PCDHGA6: variants seen among roughly 807,000 people sequenced by gnomAD.
The protein encoded by PCDHGA6 is protocadherin gamma subfamily A, 6, also known as protocadherin gamma-A6.
Under a neutral mutation model 60.6 loss-of-function variants are expected in PCDHGA6, and 41 were observed. The ratio of observed to expected loss-of-function variants is 0.68; its 90% CI spans 0.53 to 0.88. PCDHGA6 has a LOEUF of 0.88. Ranked by LOEUF, PCDHGA6 falls within the 40% of genes least tolerant of loss-of-function variation. PCDHGA6 has a pLI of 0.00. For synonymous variants in PCDHGA6, 594 were observed against 524.4 expected (o/e 1.13, Z -1.81); for missense variants, 1,312 against 1,203.0 (o/e 1.09, Z -1.34).
intron 1 of PCDHGA6, among the ~76,000 whole-genome samples, chr5:141,452,082 T>A (rs924362905): frequency 3.3e-5 from 5 of 152,240 alleles, no homozygotes; most frequent in Non-Finnish European, 7.3e-5. Context: ...GTTGGCATTA[T>A]ACAGTAAGAA....
chr5:141,393,899 C>T, intron 1 of PCDHGA6: 1 of 1,613,932 alleles, frequency 6.2e-7, no homozygotes, highest in Non-Finnish European at 8.5e-7. Context: ...ATTCTCTTCC[C>T]GGGACAGTAA....
intron 1 of PCDHGA6, chr5:141,412,940 T>G: frequency 2.2e-6 from 1 of 463,218 alleles, no homozygotes; most frequent in Non-Finnish European, 3.8e-6. Context: ...CTTAGGACTC[T>G]GAGCGCCGCT....
intron 1 of PCDHGA6, chr5:141,410,110 C>A (rs1361292941): frequency 6.2e-7 from 1 of 1,612,540 alleles, no homozygotes; most frequent in Admixed American, 1.7e-5. Flanking sequence ...GCGACAGGGA[C>A]GCAGCCCGCC....
intron 1 of PCDHGA6, among the ~76,000 whole-genome samples, chr5:141,380,592 C>A (rs1776595781): frequency 6.6e-6 from 1 of 152,050 alleles, no homozygotes; most frequent in South Asian, 2.1e-4. Flanking sequence ...TAGTAAAGAT[C>A]TTTAATATTT....
At chr5:141,412,876 A>T (rs1206092699) in intron 1 of PCDHGA6, 2 of 281,096 alleles carry the variant, frequency 7.1e-6, no homozygotes, top group Admixed American at 4.9e-5. Flanking sequence ...AAATATAATA[A>T]TCCAACAGAA....
chr5:141,442,457 T>G (rs1209684998), intron 1 of PCDHGA6: 1 of 152,268 alleles, frequency 6.6e-6, no homozygotes, highest in African/African-American at 2.4e-5. Context: ...AATAGCAGTT[T>G]CACTGCAGAA....
chr5:141,500,618 C>T (rs554274946), intron 2 of PCDHGA6, among the ~76,000 whole-genome samples: 1 of 152,262 alleles, frequency 6.6e-6, no homozygotes, highest in South Asian at 2.1e-4. Flanking sequence ...CCCAGTCATA[C>T]GGTACATTTC....
At chr5:141,418,769 C>A (rs1488222030) in intron 1 of PCDHGA6, 2 of 1,613,828 alleles carry the variant, frequency 1.2e-6, no homozygotes, top group East Asian at 4.5e-5. Flanking sequence ...CATTCTAACT[C>A]AGCAGCCTTT....
intron 1 of PCDHGA6, among the ~76,000 whole-genome samples, chr5:141,397,737 C>T (rs2093564219): frequency 6.6e-6 from 1 of 152,164 alleles, no homozygotes. Flanking sequence ...GAGAAAGATA[C>T]CTTAAAGAAG....
At chr5:141,447,829 T>A (rs2098552664) in intron 1 of PCDHGA6, among the ~76,000 whole-genome samples, 1 of 152,214 alleles carries the variant, frequency 6.6e-6, no homozygotes. Context: ...CTCACGCCTG[T>A]AATCCCAGTG....
At chr5:141,421,603 G>T (rs1207844782) in intron 1 of PCDHGA6, 4 of 1,613,758 alleles carry the variant, frequency 2.5e-6, no homozygotes, top group Non-Finnish European at 3.4e-6. Context: ...GGAAATAATA[G>T]ATATTAATGA....
chr5:141,404,073 G>A lies in PCDHGA6; in HGVS notation c.2424+27566G>A, dbSNP rs746951310. On this transcript the variant is annotated intron_variant, in intron 1 of 3. Transcript: ENST00000517434. The stretch of plus-strand genomic sequence containing the variant: ...ATTCTTCTTTTCAATGCTCATGACC[G>A]AGACTCCGGGAAGAATGGTCAAGTT... The A allele has an allele frequency of 1.5e-5, 24 of 1,613,602 alleles. No individual in the cohort carries two copies. Among genetic ancestry groups the A allele is most frequent in the Non-Finnish European group, 1.9e-5 (22 of 1,179,684 alleles).
rs776426026 is a variant in PCDHGA6, at chr5:141,375,703, G to A, written c.1620G>A (p.Pro540=). The A allele has an allele frequency of 3.7e-6, 6 of 1,614,144 alleles. No individual in the cohort carries two copies. The highest frequency in any genetic ancestry group is 1.7e-5 in the Admixed American group (1 of 60,012). ...TGACAGCCAGCGACAGCGGGGACCC[G>A]CCTCTTAGCAGCAACGTGTCACTGA... ...LWVTASDSGD[P]PLSSNVSLSL... Residue 540 remains proline, a synonymous_variant, in exon 1 of 4, where the codon CCG becomes CCA. Coordinates refer to ENST00000517434, the MANE Select transcript of PCDHGA6 (RefSeq NM_018919.3).
chr5:141,437,306 C>T (rs1462689998), intron 1 of PCDHGA6, among the ~76,000 whole-genome samples: 1 of 152,104 alleles, frequency 6.6e-6, no homozygotes, highest in Non-Finnish European at 1.5e-5. Flanking sequence ...CAAGTTAAAG[C>T]GTTCAGCTAT....
intron 1 of PCDHGA6, chr5:141,398,979 C>T (rs769465343): frequency 1.9e-6 from 3 of 1,613,778 alleles, no homozygotes; most frequent in African/African-American, 1.3e-5. Context: ...TCTACAGAAC[C>T]GGGCAAATCT....
chr5:141,481,502 T>G (rs1425241526), intron 1 of PCDHGA6, among the ~76,000 whole-genome samples: 1 of 152,232 alleles, frequency 6.6e-6, no homozygotes, highest in Non-Finnish European at 1.5e-5. Context: ...TTGCATGGTA[T>G]GTGAATTATG....
chr5:141,389,070 T>C, intron 1 of PCDHGA6: 1 of 1,613,964 alleles, frequency 6.2e-7, no homozygotes, highest in South Asian at 1.1e-5. Flanking sequence ...ATTAACTTCT[T>C]CAAGAAACAC....
chr5:141,427,469 C>T lies in PCDHGA6; in HGVS notation c.2424+50962C>T, dbSNP rs116302471. The T allele has an allele frequency of 9.8e-3, 5,010 of 510,088 alleles. 35 individuals are homozygous for T. Among genetic ancestry groups the T allele is most frequent in the Non-Finnish European group, 0.012 (3,225 of 262,464 alleles). 31.6% of individuals were successfully genotyped at this position (510,088 alleles called of 1,614,324 possible). A position where few individuals can be genotyped will look rare whatever the true frequency, so the allele number is the denominator to read the frequency against. On this transcript the variant is annotated intron_variant, in intron 1 of 3. Coordinates refer to ENST00000517434, the MANE Select transcript of PCDHGA6 (RefSeq NM_018919.3). Reference sequence around the variant, plus strand: ...GAGTTCCTTTTAGAATCGAATCTTCCGCCAATAATGACTATAAGCTTGTAA... The same window carrying T: ...GAGTTCCTTTTAGAATCGAATCTTCTGCCAATAATGACTATAAGCTTGTAA...
intron 1 of PCDHGA6, chr5:141,390,054 T>G (rs763200251): frequency 6.2e-7 from 1 of 1,614,070 alleles, no homozygotes; most frequent in Non-Finnish European, 8.5e-7. Context: ...CTCCTGGAGC[T>G]GCTTCCAGCC....
Sources: gnomAD v4.1 joint callset for allele counts (sites outside exome capture counted in the v4.1 genomes callset) on GRCh38, gnomAD v4.1.1 for gene constraint, MANE v1.5 for transcripts, NCBI Gene and HGNC (gene_info 2026-07-23, HGNC 2026-07-21) for gene names.